The following DNAH6 variants were observed in gnomAD, a reference collection of about 807,000 sequenced individuals.
DNAH6 encodes the protein dynein axonemal heavy chain 6, also known as axonemal beta dynein heavy chain 6.
In DNAH6, 340 loss-of-function variants were observed where a neutral mutation model predicts 491.4. That is an observed-to-expected ratio of 0.69 (90% CI 0.63 to 0.76). The LOEUF (loss-of-function observed/expected upper bound fraction) is 0.76. DNAH6 is among the 30% of genes least tolerant of loss of function. The pLI is 0.00. For missense variants in DNAH6, 4,443 were observed against 4,972.2 expected (o/e 0.89, Z 3.20); for synonymous variants, 1,603 against 1,686.1 (o/e 0.95, Z 1.21).
intron 71 of DNAH6, among the ~76,000 whole-genome samples, chr2:84,807,071 C>G (rs886313005): frequency 6.6e-6 from 1 of 152,174 alleles, no homozygotes; most frequent in Non-Finnish European, 1.5e-5. Flanking sequence ...AAAGCTTGTA[C>G]TTTTACTGTG....
At chr2:84,610,998 T>C (rs919149562) in intron 21 of DNAH6, among the ~76,000 whole-genome samples, 3 of 152,192 alleles carry the variant, frequency 2.0e-5, no homozygotes, top group Non-Finnish European at 4.4e-5. Context: ...CATTTGGGCT[T>C]ACTCCCAAAC....
intron 63 of DNAH6, among the ~76,000 whole-genome samples, chr2:84,755,339 G>A (rs563725736): frequency 1.3e-4 from 20 of 152,244 alleles, no homozygotes; most frequent in South Asian, 8.3e-4. Context: ...GTCAGATACC[G>A]TATCATGCTC....
chr2:84,665,617 C>A (rs1692040924), intron 37 of DNAH6, among the ~76,000 whole-genome samples: 1 of 151,982 alleles, frequency 6.6e-6, no homozygotes, highest in Admixed American at 6.6e-5. Flanking sequence ...AATAGCCTAC[C>A]AACGAAAAAA....
chr2:84,708,845 G>A (rs1213910753), intron 54 of DNAH6, among the ~76,000 whole-genome samples: 2 of 152,228 alleles, frequency 1.3e-5, no homozygotes, highest in East Asian at 1.9e-4. Context: ...TAAGCTCTTA[G>A]GGTGCCATGT....
chr2:84,611,758 G>A lies in DNAH6; in HGVS notation c.3379G>A (p.Glu1127Lys). 6.4e-7 allele frequency: 1 copy of A among 1,551,292 alleles called. No individual in the cohort carries two copies. Among genetic ancestry groups the A allele is most frequent in the Non-Finnish European group, 8.7e-7 (1 of 1,146,702 alleles). Residue 1127 changes from glutamate to lysine, a missense_variant, in exon 22 of 77, where the codon GAG (glutamate) becomes AAG (lysine). Coordinates refer to ENST00000389394, the MANE Select transcript of DNAH6 (RefSeq NM_001370.2). ...APDIQRQLPA[E>K]AKMFLQVDKS... ...AGACATTCAGAGGCAATTGCCTGCA[G>A]AGGCCAAGATGTTCCTTCAGGTGGA...
chr2:84,732,739 G>A (rs1699225183), intron 61 of DNAH6, among the ~76,000 whole-genome samples: 1 of 152,186 alleles, frequency 6.6e-6, no homozygotes, highest in Admixed American at 6.5e-5. Context: ...GAAATCATTA[G>A]ATTATATACT....
intron 44 of DNAH6, among the ~76,000 whole-genome samples, chr2:84,687,717 G>A (rs954965523): frequency 4.6e-5 from 7 of 152,080 alleles, no homozygotes; most frequent in Non-Finnish European, 7.4e-5. Flanking sequence ...CCCTGGGGCC[G>A]TTGCTACATA....
At position 84,725,508 on chromosome 2, in the gene DNAH6, A is replaced by G. The variant is rs971444018; in HGVS notation, c.9973-2161A>G. ...TGACAGGTATTAACCCAAGCAAAAT[A>G]AGGATTACCAAATCCTGTAATGCCA... On this transcript the variant is annotated intron_variant, in intron 60 of 76. Transcript: ENST00000389394. 3.9e-5 allele frequency among the ~76,000 whole-genome samples: 6 copies of G among 152,224 alleles called. 1 individual carries two copies. The highest frequency in any genetic ancestry group is 9.7e-5 in the African/African-American group (4 of 41,444).
intron 18 of DNAH6, among the ~76,000 whole-genome samples, chr2:84,600,845 A>T (rs1223727596): frequency 6.6e-6 from 1 of 151,688 alleles, no homozygotes; most frequent in Admixed American, 6.6e-5. Context: ...AGCCATACTT[A>T]AGGGGTGGAA....
chr2:84,540,300 G>A (rs907916566), intron 4 of DNAH6, among the ~76,000 whole-genome samples: 7 of 152,156 alleles, frequency 4.6e-5, no homozygotes, highest in Admixed American at 2.0e-4. Context: ...GAAACAGGAA[G>A]AGAGTGCCAC....
At chr2:84,586,324 G>A (rs1474218740) in intron 15 of DNAH6, among the ~76,000 whole-genome samples, 1 of 152,236 alleles carries the variant, frequency 6.6e-6, no homozygotes, top group African/African-American at 2.4e-5. Flanking sequence ...GCTCCATGGA[G>A]TGTGCAGCCC....
In DNAH6 at chr2:84,670,458, A is replaced by G; in HGVS notation, c.6437A>G (p.Lys2146Arg). 6.5e-7 allele frequency: 1 copy of G among 1,531,232 alleles called. No individual in the cohort carries two copies. Among genetic ancestry groups the G allele is most frequent in the Admixed American group, 2.2e-5 (1 of 45,938 alleles). The allele number at this position is 1,531,232 out of a possible 1,614,324, so 94.9% of individuals were successfully genotyped here. A position where few individuals can be genotyped will look rare whatever the true frequency, so the allele number is the denominator to read the frequency against. ...ATCATTGAGTCAAAACTGGAGAGAAAAAGAAAAAATATTCTAGGTAAGAAT... is the reference window on the plus strand; with the variant it reads ...ATCATTGAGTCAAAACTGGAGAGAAGAAGAAAAAATATTCTAGGTAAGAAT... The part of the protein sequence containing the change: ...QEIIESKLER[K>R]RKNILGAPGN... The change falls in exon 39 of 77, where the codon AAA becomes AGA. Residue 2146 changes from lysine (K) to arginine (R), a missense_variant. Lys to Arg is a conservative substitution (Grantham distance 26, BLOSUM62 2). Coordinates refer to ENST00000389394, the MANE Select transcript of DNAH6 (RefSeq NM_001370.2).
intron 63 of DNAH6, among the ~76,000 whole-genome samples, chr2:84,758,924 A>G (rs1343064160): frequency 2.0e-5 from 3 of 152,198 alleles, no homozygotes; most frequent in Non-Finnish European, 2.9e-5. Context: ...TCAACATAGT[A>G]CTAGAGTCCT....
the DNAH6 span, among the ~76,000 whole-genome samples, chr2:84,501,463 C>T: frequency 1.3e-5 from 2 of 151,346 alleles, no homozygotes; most frequent in Non-Finnish European, 2.9e-5. Flanking sequence ...CAAAATTTAT[C>T]AGCAATATTA....
the DNAH6 span, among the ~76,000 whole-genome samples, chr2:84,504,001 T>G: frequency 6.6e-6 from 1 of 152,150 alleles, no homozygotes; most frequent in Admixed American, 6.5e-5. Flanking sequence ...TACCCATATC[T>G]CTTTCTCCAC....
Position 84,722,702 on chromosome 2 carries a change from G to GTA in DNAH6, c.9872_9873dup (p.Arg3292IlefsTer10). 1.9e-6 allele frequency: 3 copies of GTA among 1,548,928 alleles called. No homozygotes were observed. Among genetic ancestry groups the GTA allele is most frequent in the Non-Finnish European group, 2.6e-6 (3 of 1,146,078 alleles). Reference sequence around the variant, plus strand: ...AGATGATCAATGTGGCTCGTGAGAAGTATCGTCCAGTGGCCACTCAAGGCT... The same window carrying GTA: ...AGATGATCAATGTGGCTCGTGAGAAGTATATCGTCCAGTGGCCACTCAAGGCT... On this transcript the variant is annotated frameshift_variant, in exon 60 of 77. Transcript: ENST00000389394. LOFTEE classifies it high-confidence loss of function.
intron 68 of DNAH6, among the ~76,000 whole-genome samples, chr2:84,791,821 C>T (rs184512044): frequency 2.0e-3 from 305 of 151,740 alleles, no homozygotes; most frequent in African/African-American, 6.6e-3. Flanking sequence ...TTGCTAATGG[C>T]GAGTTTTTTT....
At chr2:84,786,562 G>C (rs890768547) in intron 67 of DNAH6, among the ~76,000 whole-genome samples, 1 of 152,120 alleles carries the variant, frequency 6.6e-6, no homozygotes, top group Non-Finnish European at 1.5e-5. Context: ...GCTGAGATGA[G>C]GAGGTAGTTT....
At position 84,552,973 on chromosome 2, in the gene DNAH6, T is replaced by C. The variant is rs1472190708; in HGVS notation, c.1541T>C (p.Leu514Pro). The change falls in exon 10 of 77, where the codon CTC becomes CCC. Residue 514 changes from leucine (L) to proline (P), a missense_variant. By Grantham distance (98) the Leu-to-Pro change is moderately conservative. This residue lies in a region of DNAH6 where 2,977 missense variants were observed against 3,296.6 expected (regional missense o/e 0.90). Transcript: ENST00000389394. ...GATGAATCTCTCATCCCCATGTTTC[T>C]CACAGAACTAATGTTGACAGTCCAG... ...EEDESLIPMFLTELMLTVQSL... is the reference protein window; with the variant it reads ...EEDESLIPMFPTELMLTVQSL... 6.2e-7 allele frequency: 1 copy of C among 1,612,334 alleles called. No individual in the cohort carries two copies. Among genetic ancestry groups the C allele is most frequent in the South Asian group, 1.1e-5 (1 of 90,658 alleles).
Sources: gnomAD v4.1 joint callset for allele counts (sites outside exome capture counted in the v4.1 genomes callset) on GRCh38, gnomAD v4.1.1 for gene constraint, gnomAD v4.1.1 regional missense constraint, MANE v1.5 for transcripts, NCBI Gene and HGNC (gene_info 2026-07-23, HGNC 2026-07-21) for gene names.